The following CELF4 variants were observed in gnomAD, a reference collection of about 807,000 sequenced individuals.
The protein encoded by CELF4 is CUG-BP- and ETR-3-like factor 4.
Under a neutral mutation model 59.9 loss-of-function variants are expected in CELF4, and 18 were observed. That is an observed-to-expected ratio of 0.30 (90% CI 0.21 to 0.45). The LOEUF (loss-of-function observed/expected upper bound fraction) is 0.45, where lower values mean the gene tolerates loss of function less well. Among genes scored for constraint, CELF4 ranks in the 20% least tolerant of loss-of-function variants. CELF4 has a pLI of 1.00. For synonymous variants in CELF4, 261 were observed against 267.1 expected (o/e 0.98, Z 0.22); for missense variants, 456 against 689.0 (o/e 0.66, Z 3.79).
intron 2 of CELF4, among the ~76,000 whole-genome samples, chr18:37,391,743 A>G (rs1338114168): frequency 1.3e-5 from 2 of 152,184 alleles, no homozygotes; most frequent in African/African-American, 2.4e-5. Flanking sequence ...TCTGATTGTC[A>G]GAGAGGATGC....
chr18:37,370,391 G>A (rs143593784), intron 2 of CELF4, among the ~76,000 whole-genome samples: 1 of 152,184 alleles, frequency 6.6e-6, no homozygotes, highest in East Asian at 1.9e-4. Context: ...CACTTAGAAG[G>A]GGTATGGCAG....
intron 1 of CELF4, among the ~76,000 whole-genome samples, chr18:37,562,082 T>C (rs2099986709): frequency 6.6e-6 from 1 of 152,126 alleles, no homozygotes; most frequent in African/African-American, 2.4e-5. Flanking sequence ...GGGGGTAAAT[T>C]TACCTTTACA....
chr18:37,489,427 A>G (rs1328034344), intron 1 of CELF4, among the ~76,000 whole-genome samples: 2 of 151,920 alleles, frequency 1.3e-5, no homozygotes, highest in African/African-American at 4.8e-5. Context: ...GGGGCCGGGG[A>G]AGAAAGGGTG....
chr18:37,501,052 C>T (rs539538645), intron 1 of CELF4, among the ~76,000 whole-genome samples: 8 of 152,252 alleles, frequency 5.3e-5, no homozygotes, highest in African/African-American at 1.4e-4. Flanking sequence ...GGGCCATGGC[C>T]AAGGATTCAG....
At position 37,291,091 on chromosome 18, in the gene CELF4, T is replaced by G. The variant is rs190012669; in HGVS notation, c.449-15848A>C. Among the ~76,000 whole-genome samples the G allele has an allele frequency of 3.2e-4, 48 of 152,214 alleles. No individual in the cohort carries two copies. In the East Asian group the frequency reaches 9.1e-3, roughly 29 times the overall value. ...TGCCTGGCTAATTTTGTATTTTTAG[T>G]AGAGATGGGGTTTCTCCATGTTGGT... On this transcript the variant is annotated intron_variant, in intron 3 of 12. Coordinates refer to ENST00000420428, the MANE Select transcript of CELF4 (RefSeq NM_020180.4).
At chr18:37,273,751 A>G in intron 6 of CELF4, 1 of 988,386 alleles carries the variant, frequency 1.0e-6, no homozygotes. Context: ...TGCCACCCAC[A>G]TGGGAGCTGT....
intron 3 of CELF4, among the ~76,000 whole-genome samples, chr18:37,311,961 A>G (rs376590357): frequency 7.8e-6 from 1 of 129,014 alleles, no homozygotes; most frequent in African/African-American, 2.9e-5. Context: ...AATACAAAAA[A>G]TTAGCCAGGC....
intron 1 of CELF4, among the ~76,000 whole-genome samples, chr18:37,548,521 A>G (rs929545964): frequency 6.6e-6 from 1 of 151,992 alleles, no homozygotes. Context: ...ATCCCTTCCT[A>G]CCCATCCTCA....
At chr18:37,396,953 C>T (rs1009828838) in intron 2 of CELF4, among the ~76,000 whole-genome samples, 2 of 152,192 alleles carry the variant, frequency 1.3e-5, no homozygotes, top group Non-Finnish European at 2.9e-5. Context: ...GCCAGGATTC[C>T]GTCTCTGAGG....
chr18:37,244,639 A>AGTC lies in CELF4; in HGVS notation c.*602_*603insGAC, dbSNP rs1214602835. ...CATAGAATCGCTCTAAGCTGTTTCA[A>AGTC]GAACAGCCATGAGGCAGGAAGGAGG... is the stretch of plus-strand genomic sequence containing the variant. On this transcript the variant is annotated 3_prime_UTR_variant, in exon 13 of 13. Coordinates refer to ENST00000420428, the MANE Select transcript of CELF4 (RefSeq NM_020180.4). The AGTC allele has an allele frequency of 1.3e-5, 2 of 152,380 alleles. No homozygotes were observed. Among genetic ancestry groups the AGTC allele is most frequent in the Non-Finnish European group, 2.9e-5 (2 of 68,010 alleles). The allele number at this position is 152,380 out of a possible 1,614,324, so 9.4% of individuals were successfully genotyped here. A position where few individuals can be genotyped will look rare whatever the true frequency, so the allele number is the denominator to read the frequency against.
chr18:37,267,600 T>C (rs970939665), intron 8 of CELF4, among the ~76,000 whole-genome samples: 7 of 152,138 alleles, frequency 4.6e-5, no homozygotes, highest in African/African-American at 7.2e-5. Flanking sequence ...AGGAAGAAAC[T>C]ATCTGGGCTT....
chr18:37,422,803 C>T (rs2099586315), intron 2 of CELF4, among the ~76,000 whole-genome samples: 1 of 152,158 alleles, frequency 6.6e-6, no homozygotes, highest in Admixed American at 6.5e-5. Flanking sequence ...AGAGACTACC[C>T]CCACTCCTGA....
At chr18:37,318,940 C>T (rs493930) in intron 3 of CELF4, among the ~76,000 whole-genome samples, 11,700 of 152,206 alleles carry the variant, frequency 0.077, 1,266 homozygotes, top group African/African-American at 0.24. Context: ...GTCGGTGGCC[C>T]TTGTTCATGC....
intron 9 of CELF4, among the ~76,000 whole-genome samples, chr18:37,265,860 T>C (rs2077282200): frequency 6.6e-6 from 1 of 152,078 alleles, no homozygotes; most frequent in South Asian, 2.1e-4. Flanking sequence ...CCTGATCAGG[T>C]CAGGCAGTAG....
At chr18:37,381,281 A>T (rs149478694) in intron 2 of CELF4, among the ~76,000 whole-genome samples, 1 of 152,216 alleles carries the variant, frequency 6.6e-6, no homozygotes, top group Non-Finnish European at 1.5e-5. Context: ...AATGTAAGCA[A>T]TCTATTAGGC....
chr18:37,434,962 C>T (rs780409164), intron 2 of CELF4, among the ~76,000 whole-genome samples: 1 of 152,136 alleles, frequency 6.6e-6, no homozygotes, highest in African/African-American at 2.4e-5. Context: ...CTTTTGACTA[C>T]CCCCTCCAAA....
intron 1 of CELF4, among the ~76,000 whole-genome samples, chr18:37,525,022 C>G (rs1408161326): frequency 6.6e-6 from 1 of 152,218 alleles, no homozygotes; most frequent in Non-Finnish European, 1.5e-5. Flanking sequence ...CTCCCTTCTC[C>G]TTTGTTAACC....
chr18:37,268,493 C>T (rs2078825624), intron 8 of CELF4, among the ~76,000 whole-genome samples: 1 of 152,230 alleles, frequency 6.6e-6, no homozygotes. Context: ...AGTTTGGTGC[C>T]CTCATGCAAA....
chr18:37,280,583 A>G (rs1303454237), intron 3 of CELF4, among the ~76,000 whole-genome samples: 1 of 152,220 alleles, frequency 6.6e-6, no homozygotes, highest in Non-Finnish European at 1.5e-5. Flanking sequence ...GAAACTAGCT[A>G]CACCCTGATG....
Sources: gnomAD v4.1 joint callset for allele counts (sites outside exome capture counted in the v4.1 genomes callset) on GRCh38, gnomAD v4.1.1 for gene constraint, MANE v1.5 for transcripts, NCBI Gene and HGNC (gene_info 2026-07-23, HGNC 2026-07-21) for gene names.